The following SCRIB variants were observed in gnomAD, a reference collection of about 807,000 sequenced individuals.
SCRIB encodes protein scribble homolog.
SCRIB carries 72 observed loss-of-function variants against 170.0 expected under a neutral mutation model. The observed-to-expected ratio is 0.42, with a 90% CI of 0.35 to 0.52. SCRIB has a LOEUF of 0.52. Among genes scored for constraint, SCRIB ranks in the 20% least tolerant of loss-of-function variants. The pLI, the probability that SCRIB is intolerant of heterozygous loss-of-function variation, is 0.02. For missense variants in SCRIB, 2,475 were observed against 2,338.5 expected (o/e 1.06, Z -1.20); for synonymous variants, 1,298 against 1,044.3 (o/e 1.24, Z -4.68).
At chr8:143,812,099 C>T (rs1456232548) in intron 9 of SCRIB, among the ~76,000 whole-genome samples, 167 bp downstream of exon 9, 3 of 152,186 alleles carry the variant, frequency 2.0e-5, no homozygotes, top group African/African-American at 7.2e-5. Flanking sequence ...TGCCCCGCCT[C>T]ACCTCCGGCC....
In SCRIB at chr8:143,791,683, G is replaced by A. The variant is rs1554632682; in HGVS notation, c.4753C>T (p.Pro1585Ser). ...RAFAALPSSR[P>S]VYDIQSPDFA... The stretch of plus-strand genomic sequence containing the variant: ...CCAGGTACCTGGATGTCATAGACAG[G>A]TCTGGAAGAAGGCAGGGCCGCAAAG... Residue 1585 changes from proline (P) to serine (S), a missense_variant, in exon 35 of 37, where the codon CCT (proline) becomes TCT (serine). Pro to Ser is a moderately conservative substitution (Grantham distance 74). Around this residue, in one of 3 missense-constraint regions of SCRIB, gnomAD observed 1,966 missense variants for 1,742.9 expected, o/e 1.13. Coordinates refer to ENST00000356994, the MANE Select transcript of SCRIB (RefSeq NM_182706.5). The A allele has an allele frequency of 6.2e-7, 1 of 1,605,290 alleles. No individual in the cohort carries two copies. The highest frequency in any genetic ancestry group is 8.5e-7 in the Non-Finnish European group (1 of 1,173,624).
intron 14 of SCRIB, 130 bp from the exon 15 acceptor site, chr8:143,809,155 GC>G: frequency 8.2e-7 from 1 of 1,223,774 alleles, no homozygotes; most frequent in Non-Finnish European, 1.1e-6. Context: ...AGCACTAACT[GC>G]CCAGTGAGGG....
intron 8 of SCRIB, 58 bp from the exon 9 acceptor site, chr8:143,812,442 C>T (rs1158155493): frequency 1.5e-6 from 2 of 1,349,510 alleles, no homozygotes; most frequent in Non-Finnish European, 2.1e-6. Flanking sequence ...GTGCCTTACC[C>T]ACCTGGCCAG....
intron 24 of SCRIB, among the ~76,000 whole-genome samples, chr8:143,801,312 C>CCA (rs1191458854): frequency 1.3e-5 from 2 of 152,238 alleles, no homozygotes; most frequent in Non-Finnish European, 2.9e-5. Context: ...GATTGTGTCA[C>CCA]CACACTCCAG....
chr8:143,810,351 G>A (rs1563804515), intron 13 of SCRIB, 128 bp downstream of exon 13: 2 of 1,375,198 alleles, frequency 1.5e-6, no homozygotes, highest in Admixed American at 1.9e-5. Flanking sequence ...CCTGAAACCT[G>A]TCACCAGCCT....
At chr8:143,807,929 G>T (rs1252188332) in intron 15 of SCRIB, among the ~76,000 whole-genome samples, 1 of 152,190 alleles carries the variant, frequency 6.6e-6, no homozygotes, top group Non-Finnish European at 1.5e-5. Flanking sequence ...GAGACCCGGG[G>T]ACTCCCCCTG....
At chr8:143,796,843 C>T (rs187335510) in intron 24 of SCRIB, among the ~76,000 whole-genome samples, 14 of 152,278 alleles carry the variant, frequency 9.2e-5, no homozygotes, top group African/African-American at 2.9e-4. Flanking sequence ...CCAGGTAGCC[C>T]GGCCTCTCAT....
In SCRIB at chr8:143,803,892, G is replaced by A. The variant is rs782607898; in HGVS notation, c.3169C>T (p.Arg1057Cys). ...TCTTGCCCGTTCACTGCCAGGATGC[G>A]GTCCCCAACCCGCAGGCCGCTGCGA... ...AARSGLRVGD[R>C]ILAVNGQDVR... Residue 1057 changes from arginine (R) to cysteine (C), a missense_variant, in exon 23 of 37, where the codon CGC becomes TGC. Arg to Cys is a radical substitution (Grantham distance 180). Coordinates refer to ENST00000356994, the MANE Select transcript of SCRIB (RefSeq NM_182706.5). 16 of 1,595,350 alleles carry A rather than the reference G, an allele frequency of 1.0e-5. No individual in the cohort carries two copies. In the South Asian group the frequency reaches 1.6e-4, roughly 16 times the overall value.
chr8:143,799,726 T>C (rs1040280949), intron 24 of SCRIB, among the ~76,000 whole-genome samples: 2 of 151,210 alleles, frequency 1.3e-5, no homozygotes, highest in African/African-American at 4.9e-5. Context: ...CAGGCTTAGA[T>C]GGACTGTGCA....
chr8:143,799,199 G>A (rs939686061), intron 24 of SCRIB, among the ~76,000 whole-genome samples: 1 of 152,232 alleles, frequency 6.6e-6, no homozygotes, highest in Non-Finnish European at 1.5e-5. Context: ...CAGAGCTAGT[G>A]ATCTCTTCTT....
At position 143,815,762 on chromosome 8, in the gene SCRIB, G is replaced by C. The variant is rs1409892204; in HGVS notation, c.-390C>G. 1.0e-6 allele frequency: 1 copy of C among 984,282 alleles called. No individual in the cohort carries two copies. The highest frequency in any genetic ancestry group is 1.8e-5 in the African/African-American group (1 of 57,050). The allele number at this position is 984,282 out of a possible 1,614,324, so 61.0% of individuals were successfully genotyped here. ...ACCCGGCCGCCGCGCAGCCCGTCGG[G>C]AAGCCGAGTCCGGCCCTCGCCGCCT... On this transcript the variant is annotated 5_prime_UTR_variant, in exon 1 of 37. Coordinates refer to ENST00000356994, the MANE Select transcript of SCRIB (RefSeq NM_182706.5).
In SCRIB at chr8:143,810,985, G is replaced by C; in HGVS notation, c.1194C>G (p.Phe398Leu). The C allele has an allele frequency of 6.2e-7, 1 of 1,611,658 alleles. No individual in the cohort carries two copies. The highest frequency in any genetic ancestry group is 1.7e-5 in the Admixed American group (1 of 59,862). The change falls in exon 11 of 37, where the codon TTC becomes TTG. Residue 398 changes from phenylalanine to leucine, a missense_variant. Phe to Leu is a conservative substitution (Grantham distance 22). Transcript: ENST00000356994. ...AENQAQPMLR[F>L]QTEDDARTGE... is the part of the protein sequence containing the mutation. ...CGGTCCGGGCATCATCCTCCGTCTG[G>C]AACCGGAGCATGGGCTGCGCCTGGT...
chr8:143,808,778 G>T lies in SCRIB; in HGVS notation c.1946C>A (p.Pro649His), dbSNP rs199847585. The change falls in exon 15 of 37, where the codon CCC becomes CAC. Residue 649 changes from proline (P) to histidine (H), a missense_variant. By Grantham distance (77) the Pro-to-His change is moderately conservative. Transcript: ENST00000356994. ...PVAPGGWHNGPHAPWAPRAQK... is the reference protein window; with the variant it reads ...PVAPGGWHNGHHAPWAPRAQK... Reference sequence around the variant, plus strand: ...GGCCCGAGGAGCCCAGGGTGCGTGGGGGCCATTGTGCCAGCCCCCGGGAGC... The same window carrying T: ...GGCCCGAGGAGCCCAGGGTGCGTGGTGGCCATTGTGCCAGCCCCCGGGAGC... 140 of 1,611,074 alleles carry T rather than the reference G, an allele frequency of 8.7e-5. No homozygotes were observed. The highest frequency in any genetic ancestry group is 1.7e-4 in the Middle Eastern group (1 of 6,052).
At chr8:143,806,060 C>T (rs925055554) in intron 18 of SCRIB, among the ~76,000 whole-genome samples, 1 of 152,294 alleles carries the variant, frequency 6.6e-6, no homozygotes, top group Admixed American at 6.5e-5. Context: ...AGTAGCCTGA[C>T]CCCTCTCGGT....
chr8:143,795,078 C>T lies in SCRIB; in HGVS notation c.3806G>A (p.Arg1269His), dbSNP rs139752599. 28 of 1,611,326 alleles carry T rather than the reference C, an allele frequency of 1.7e-5. No individual in the cohort carries two copies. The highest frequency in any genetic ancestry group is 5.5e-5 in the South Asian group (5 of 90,976). Residue 1269 changes from arginine to histidine, a missense_variant, in exon 27 of 37, where the codon CGC becomes CAC. Physicochemically the swap from Arg to His is conservative, Grantham distance 29. This residue lies in a region of SCRIB where 1,966 missense variants were observed against 1,742.9 expected (regional missense o/e 1.13). Coordinates refer to ENST00000356994, the MANE Select transcript of SCRIB (RefSeq NM_182706.5). ...AGCGCTGGGCACGGCGGCCAGGGCGCGGTAGTCCAGCTTCAGGGGCTGCAG... is the reference window on the plus strand; with the variant it reads ...AGCGCTGGGCACGGCGGCCAGGGCGTGGTAGTCCAGCTTCAGGGGCTGCAG... Reference protein sequence around the residue: ...RGLQPLKLDYRALAAVPSAGS... With the variant: ...RGLQPLKLDYHALAAVPSAGS...
At chr8:143,794,655 C>T (rs549329499) in intron 27 of SCRIB, among the ~76,000 whole-genome samples, 2 of 151,856 alleles carry the variant, frequency 1.3e-5, no homozygotes, top group South Asian at 4.2e-4. Flanking sequence ...GCCCCTCCAG[C>T]TGCTCCAGCC....
chr8:143,803,009 G>A (rs1815236462), intron 24 of SCRIB, among the ~76,000 whole-genome samples: 1 of 152,232 alleles, frequency 6.6e-6, no homozygotes, highest in African/African-American at 2.4e-5. Flanking sequence ...CCTGGCTGGT[G>A]GGCTTTGGGC....
chr8:143,797,668 G>A (rs1309614913), intron 24 of SCRIB, among the ~76,000 whole-genome samples: 1 of 152,226 alleles, frequency 6.6e-6, no homozygotes, highest in Admixed American at 6.5e-5. Flanking sequence ...AGATGCACAC[G>A]CTGAAGCCTG....
chr8:143,807,056 G>A, intron 16 of SCRIB, 43 bp from the exon 17 acceptor site: 2 of 1,418,496 alleles, frequency 1.4e-6, no homozygotes, highest in Non-Finnish European at 2.0e-6. Context: ...GCCGCAGTGG[G>A]GCTGCCTGTG....
Sources: allele counts gnomAD v4.1 joint callset (sites outside exome capture counted in the v4.1 genomes callset), GRCh38; gene constraint gnomAD v4.1.1; regional missense constraint gnomAD v4.1.1; transcripts MANE v1.5; gene names NCBI Gene and HGNC (gene_info 2026-07-23, HGNC 2026-07-21).